CHRD: variants seen among roughly 807,000 people sequenced by gnomAD.
The protein encoded by CHRD is chordin.
A neutral mutation model predicts 113.7 loss-of-function variants in CHRD; 69 were observed. The observed-to-expected ratio is 0.61, with a 90% CI of 0.50 to 0.74. The LOEUF (loss-of-function observed/expected upper bound fraction) is 0.74. Among genes scored for constraint, CHRD ranks in the 30% least tolerant of loss-of-function variants. The probability of loss-of-function intolerance (pLI) is 0.00; values close to 1 mark genes in which losing one functional copy is unlikely to be tolerated. For synonymous variants in CHRD, 561 were observed against 540.8 expected (o/e 1.04, Z -0.52); for missense variants, 1,194 against 1,295.8 (o/e 0.92, Z 1.21).
Position 184,381,848 on chromosome 3 carries a change from CTGCCGGGGCCCG to C in CHRD, c.611+34_611+45del, listed in dbSNP as rs1715488953. 6.2e-7 allele frequency: 1 copy of C among 1,610,830 alleles called. No individual in the cohort carries two copies. Among genetic ancestry groups the C allele is most frequent in the Non-Finnish European group, 8.5e-7 (1 of 1,178,390 alleles). On this transcript the variant is annotated intron_variant, in intron 5 of 22. Coordinates refer to ENST00000204604, the Ensembl canonical transcript of CHRD. This position sits in a 1 kb window ranked among gnomAD's most constrained non-coding sequence, Gnocchi z 4.7. The stretch of plus-strand genomic sequence containing the variant: ...AGGGGAAGGAGCAAGGAGGGGTCAG[CTGCCGGGGCCCG>C]GGAGGGAAACTGGGAGAGCTGGGAG...
Position 184,387,936 on chromosome 3 carries a change from C to G in CHRD, c.2457C>G (p.Gly819=). 6.2e-7 allele frequency: 1 copy of G among 1,611,518 alleles called. No individual in the cohort carries two copies. The change falls in exon 20 of 23, where the codon GGC becomes GGG. Residue 819 remains glycine (G), a synonymous_variant. Transcript: ENST00000204604. The surrounding 1 kb of genome is among the most constrained non-coding windows in gnomAD (Gnocchi z 6.1). ...TGCTCAATGGATCCCTACAGGGGGG[C>G]ACTGGAGAGGTGCACTGTGAGAAGG...
intron 14 of CHRD, among the ~76,000 whole-genome samples, chr3:184,385,480 A>C (rs968680196): frequency 3.2e-4 from 48 of 152,202 alleles, no homozygotes; most frequent in African/African-American, 1.2e-3. Context: ...TAGCCTGACC[A>C]ACATGGAGAA....
rs1382169691 is a variant in CHRD, at chr3:184,386,616, C to T, written c.2057C>T (p.Pro686Leu). Reference sequence around the variant, plus strand: ...GCGCCGCCTGTGGTGCCTGGTCTCCCGGCCCTAGCGCCCGCCAAACCTGGT... The same window carrying T: ...GCGCCGCCTGTGGTGCCTGGTCTCCTGGCCCTAGCGCCCGCCAAACCTGGT... The change falls in exon 16 of 23, where the codon CCG becomes CTG. Residue 686 changes from proline to leucine, a missense_variant. By Grantham distance (98) the Pro-to-Leu change is moderately conservative (BLOSUM62 -3). Coordinates refer to ENST00000204604, the Ensembl canonical transcript of CHRD. 15 of 1,606,962 alleles carry T rather than the reference C, an allele frequency of 9.3e-6. No individual in the cohort carries two copies. Among genetic ancestry groups the T allele is most frequent in the Admixed American group, 3.4e-5 (2 of 59,368 alleles).
In CHRD at chr3:184,386,035, T is replaced by C; in HGVS notation, c.1819-11T>C. The C allele has an allele frequency of 6.2e-7, 1 of 1,614,066 alleles. No homozygotes were observed. Among genetic ancestry groups the C allele is most frequent in the South Asian group, 1.1e-5 (1 of 91,068 alleles). ...TGCCTTATTCCTATCCATTGTCCTG[T>C]CTATGTGCAGGCCCAGGGTGTGGTG... is the stretch of plus-strand genomic sequence containing the variant. On this transcript the variant is annotated splice_polypyrimidine_tract_variant and intron_variant, in intron 14 of 22. Transcript: ENST00000204604.
exon 7 of CHRD, chr3:184,382,484 A>G (rs1158618826): frequency 6.2e-7 from 1 of 1,613,882 alleles, no homozygotes; most frequent in Non-Finnish European, 8.5e-7. Flanking sequence ...CTCACCCTTC[A>G]GGGGAGGTCT....
At chr3:184,389,399 G>C in exon 23 of CHRD, 7 of 1,613,734 alleles carry the variant, frequency 4.3e-6, no homozygotes, top group Non-Finnish European at 5.9e-6. Flanking sequence ...TCCAGAGCTG[G>C]AGAAAGAAGC....
chr3:184,387,113 C>G lies in CHRD; in HGVS notation c.2347+6C>G. On this transcript the variant is annotated splice_donor_region_variant and intron_variant, in intron 18 of 22. Transcript: ENST00000204604. The surrounding 1 kb of genome is among the most constrained non-coding windows in gnomAD (Gnocchi z 6.1). ...GAGCCGGGACCCAGGAGAGGGTGAGCTGGAAGGGTGCGTGCAGGGTGGGAG... is the reference window on the plus strand; with the variant it reads ...GAGCCGGGACCCAGGAGAGGGTGAGGTGGAAGGGTGCGTGCAGGGTGGGAG... 6.2e-7 allele frequency: 1 copy of G among 1,613,244 alleles called. No individual in the cohort carries two copies. Among genetic ancestry groups the G allele is most frequent in the Non-Finnish European group, 8.5e-7 (1 of 1,179,382 alleles).
intron 17 of CHRD, 41 bp downstream of exon 17, chr3:184,386,979 G>T: frequency 6.2e-7 from 1 of 1,614,110 alleles, no homozygotes; most frequent in South Asian, 1.1e-5. Flanking sequence ...AGTTGGCCCA[G>T]TGCGGACAGG....
rs774864471 is a variant in CHRD at position 184,387,396 on chromosome 3, G to A, written c.2370G>A (p.Arg790=). 1.2e-6 allele frequency: 2 copies of A among 1,612,702 alleles called. No homozygotes were observed. Among genetic ancestry groups the A allele is most frequent in the South Asian group, 1.1e-5 (1 of 90,872 alleles). The stretch of plus-strand genomic sequence containing the variant: ...CAGGCTGCTATTTTGATGGTGACCG[G>A]AGCTGGCGGGCAGCGGGTACGCGGT... Residue 790 remains arginine (R), a synonymous_variant, in exon 19 of 23, where the codon CGG becomes CGA. Coordinates refer to ENST00000204604, the Ensembl canonical transcript of CHRD. The surrounding 1 kb of genome is among the most constrained non-coding windows in gnomAD (Gnocchi z 6.1).
rs1715976660 is a variant in CHRD, at chr3:184,384,514, G to A, written c.1441-23G>A. ...CTTGGACTCGTGTGAGAGCTGAGAA[G>A]GCCTATCCTCCCCTGCCCCCAGGCC... On this transcript the variant is annotated intron_variant, in intron 12 of 22. Transcript: ENST00000204604. This position sits in a 1 kb window ranked among gnomAD's most constrained non-coding sequence, Gnocchi z 4.4. 6.7e-7 allele frequency: 1 copy of A among 1,482,274 alleles called. No individual in the cohort carries two copies. The highest frequency in any genetic ancestry group is 9.0e-7 in the Non-Finnish European group (1 of 1,117,230). 91.8% of individuals were successfully genotyped at this position (1,482,274 alleles called of 1,614,324 possible). A position where few individuals can be genotyped will look rare whatever the true frequency, so the allele number is the denominator to read the frequency against.
Position 184,387,707 on chromosome 3 carries a change from A to C in CHRD, c.2452-224A>C, listed in dbSNP as rs142139804. Among the ~76,000 whole-genome samples the C allele has an allele frequency of 2.6e-3, 399 of 152,188 alleles. No homozygotes were observed. Among genetic ancestry groups the C allele is most frequent in the Non-Finnish European group, 4.7e-3 (319 of 67,998 alleles). ...CTAACTAGTGCCAGTGACCCTAGGCACCTTCTGTCCCTGAGCCTCACTTTC... is the reference window on the plus strand; with the variant it reads ...CTAACTAGTGCCAGTGACCCTAGGCCCCTTCTGTCCCTGAGCCTCACTTTC... On this transcript the variant is annotated intron_variant, in intron 19 of 22. Transcript: ENST00000204604. This position sits in a 1 kb window ranked among gnomAD's most constrained non-coding sequence, Gnocchi z 6.1.
At position 184,387,814 on chromosome 3, in the gene CHRD, G is replaced by C; in HGVS notation, c.2452-117G>C. ...AGTTTAGGTCTATAAAGCCAGTCCG[G>C]GCCTCTGAGTAAAAGGCCACAGAGA... On this transcript the variant is annotated intron_variant, in intron 19 of 22. Transcript: ENST00000204604. The surrounding 1 kb of genome is among the most constrained non-coding windows in gnomAD (Gnocchi z 6.1). The C allele has an allele frequency of 1.1e-6, 1 of 926,768 alleles. No individual in the cohort carries two copies. The highest frequency in any genetic ancestry group is 1.7e-6 in the Non-Finnish European group (1 of 591,590). 57.4% of individuals were successfully genotyped at this position (926,768 alleles called of 1,614,324 possible).
chr3:184,386,802 G>C, intron 16 of CHRD, 43 bp from the exon 17 acceptor site: 1 of 1,613,870 alleles, frequency 6.2e-7, no homozygotes, highest in Non-Finnish European at 8.5e-7. Context: ...TCTGGAGCAA[G>C]GGGCCTGGAC....
At chr3:184,385,703 C>G (rs1716174530) in intron 14 of CHRD, among the ~76,000 whole-genome samples, 1 of 139,730 alleles carries the variant, frequency 7.2e-6, no homozygotes, top group South Asian at 2.3e-4. Flanking sequence ...AAAGAGCTGG[C>G]ATGGGCTTGG....
rs763515621 is a variant in CHRD, at chr3:184,381,536, C to A, written c.423C>A (p.Phe141Leu). 2 of 1,607,086 alleles carry A rather than the reference C, an allele frequency of 1.2e-6. No individual in the cohort carries two copies. Among genetic ancestry groups the A allele is most frequent in the Non-Finnish European group, 1.7e-6 (2 of 1,177,470 alleles). Residue 141 changes from phenylalanine (F) to leucine (L), a missense_variant, in exon 4 of 23, where the codon TTC (phenylalanine) becomes TTA (leucine). Transcript: ENST00000204604. This position sits in a 1 kb window ranked among gnomAD's most constrained non-coding sequence, Gnocchi z 4.7. ...AGCGGCAGCCGAGCGGCCTGTCCTT[C>A]GAGTATCCGCGGGACCCGGAGCATC...
In CHRD at chr3:184,380,257, C is replaced by T; in HGVS notation, c.-62C>T. ...CCTCCGCCCTCCGCACTCCCGCCTC[C>T]CTCCCTCCGCCCGCTCCCGCGCCCT... On this transcript the variant is annotated 5_prime_UTR_variant, in exon 1 of 23. Coordinates refer to ENST00000204604, the Ensembl canonical transcript of CHRD. The surrounding 1 kb of genome is among the most constrained non-coding windows in gnomAD (Gnocchi z 6.3). 3 of 780,210 alleles carry T rather than the reference C, an allele frequency of 3.8e-6. No homozygotes were observed. Among genetic ancestry groups the T allele is most frequent in the Non-Finnish European group, 5.0e-6 (3 of 601,636 alleles). The allele number at this position is 780,210 out of a possible 1,614,324, so 48.3% of individuals were successfully genotyped here.
At chr3:184,389,692 T>C in exon 23 of CHRD, 1 of 443,320 alleles carries the variant, frequency 2.3e-6, no homozygotes, top group Non-Finnish European at 4.1e-6. Flanking sequence ...CTGTACATAA[T>C]GTCACTGGCT....
At chr3:184,390,663 T>C (rs1716993540), downstream of CHRD, 1 of 152,078 alleles carries the variant, frequency 6.6e-6, no homozygotes, top group Non-Finnish European at 1.5e-5. Context: ...CTCTAGGAAA[T>C]GAGGGTATCA....
rs1716558938 is a variant in CHRD, at chr3:184,387,753, A to T, written c.2452-178A>T. On this transcript the variant is annotated intron_variant, in intron 19 of 22. Transcript: ENST00000204604. This position sits in a 1 kb window ranked among gnomAD's most constrained non-coding sequence, Gnocchi z 6.1. ...CTTTCCTCTCCTGTAAGCAGATATG[A>T]TGGCACCTACCTTGCAGGGTTCTGA... Among the ~76,000 whole-genome samples the T allele has an allele frequency of 6.6e-6, 1 of 152,106 alleles. No individual in the cohort carries two copies. Among genetic ancestry groups the T allele is most frequent in the East Asian group, 1.9e-4 (1 of 5,182 alleles).
Sources: allele counts gnomAD v4.1 joint callset (sites outside exome capture counted in the v4.1 genomes callset), GRCh38; gene constraint gnomAD v4.1.1; non-coding constraint Gnocchi (gnomAD v3.1); transcripts MANE v1.5; gene names NCBI Gene and HGNC (gene_info 2026-07-23, HGNC 2026-07-21).